The following TFB1M variants were observed in gnomAD, a reference collection of about 807,000 sequenced individuals.
TFB1M encodes dimethyladenosine transferase 1, mitochondrial.
Under a neutral mutation model 31.1 loss-of-function variants are expected in TFB1M, and 27 were observed. That is an observed-to-expected ratio of 0.87 (90% CI 0.64 to 1.20). TFB1M has a LOEUF of 1.20. Among genes scored for constraint, TFB1M ranks in the 50% most tolerant of loss-of-function variants. TFB1M has a pLI of 0.00. For synonymous variants in TFB1M, 166 were observed against 151.8 expected (o/e 1.09, Z -0.69); for missense variants, 394 against 418.7 (o/e 0.94, Z 0.51).
At chr6:155,307,605 CA>C (rs1777837616) in intron 2 of TFB1M, among the ~76,000 whole-genome samples, 1 of 152,102 alleles carries the variant, frequency 6.6e-6, no homozygotes, top group African/African-American at 2.4e-5. Context: ...TGGGTGAGGA[CA>C]CAGAGCCAAA....
chr6:155,235,911 A>G, the TFB1M span, among the ~76,000 whole-genome samples: 1 of 152,204 alleles, frequency 6.6e-6, no homozygotes, highest in African/African-American at 2.4e-5. Context: ...ATCCCAGTGA[A>G]GCAAAGCCAT....
At chr6:155,258,223 G>T in intron 6 of TFB1M, 141 bp from the exon 7 acceptor site, 1 of 1,047,750 alleles carries the variant, frequency 9.5e-7, no homozygotes, top group South Asian at 1.4e-5. Context: ...GAGCCTCTTG[G>T]ATTATATAGC....
intron 4 of TFB1M, among the ~76,000 whole-genome samples, chr6:155,293,531 T>G (rs1306477912): frequency 6.6e-6 from 1 of 152,208 alleles, no homozygotes; most frequent in Non-Finnish European, 1.5e-5. Context: ...AGATGATCCT[T>G]AGAACTGCGT....
chr6:155,294,357 A>G (rs141648039), intron 4 of TFB1M, among the ~76,000 whole-genome samples: 52 of 152,368 alleles, frequency 3.4e-4, no homozygotes, highest in Non-Finnish European at 5.9e-4. Context: ...TGCTCTTCAA[A>G]AGACACCATA....
chr6:155,300,205 T>G lies in TFB1M; in HGVS notation c.286-1620A>C, dbSNP rs568029812. Among the ~76,000 whole-genome samples the G allele has an allele frequency of 8.5e-5, 13 of 152,304 alleles. No individual in the cohort carries two copies. The East Asian group carries it at 2.1e-3, about 25-fold the overall frequency. ...ATTTATACAAATAATCTTCCAGAAA[T>G]AAATAGCTGAAACGCCTCTATTGGT... is the stretch of plus-strand genomic sequence containing the variant. On this transcript the variant is annotated intron_variant, in intron 2 of 6. Transcript: ENST00000367166.
downstream of TFB1M, chr6:155,253,804 A>G: frequency 1.8e-6 from 1 of 551,004 alleles, no homozygotes; most frequent in Non-Finnish European, 3.2e-6. Flanking sequence ...AAGGCATTTC[A>G]GTTCTTGTAA....
Position 155,281,964 on chromosome 6 carries a change from G to GGA in TFB1M, c.666+3193_666+3194insTC, listed in dbSNP as rs1163990839. 1.2e-4 allele frequency among the ~76,000 whole-genome samples: 18 copies of GGA among 152,196 alleles called. No individual in the cohort carries two copies. The East Asian group carries it at 3.5e-3, about 29-fold the overall frequency. On this transcript the variant is annotated intron_variant, in intron 5 of 6. Coordinates refer to ENST00000367166, the MANE Select transcript of TFB1M (RefSeq NM_016020.4). ...TCTCAGGGATCTACAGAGGCTAATA[G>GGA]AGAAAAGCTAGCTTGAGAAACTTAA... is the stretch of plus-strand genomic sequence containing the variant.
chr6:155,310,693 A>G (rs912976125), intron 2 of TFB1M, among the ~76,000 whole-genome samples: 6 of 152,164 alleles, frequency 3.9e-5, no homozygotes, highest in Non-Finnish European at 8.8e-5. Context: ...CTTCACTTAA[A>G]AAATTTACCT....
chr6:155,290,586 T>G (rs1048706943), intron 4 of TFB1M, among the ~76,000 whole-genome samples: 1 of 152,092 alleles, frequency 6.6e-6, no homozygotes, highest in Non-Finnish European at 1.5e-5. Context: ...CAACTTTTTT[T>G]GTTAAAGAAA....
At chr6:155,251,459 G>C (rs1440968028), downstream of TFB1M, among the ~76,000 whole-genome samples, 2 of 151,992 alleles carry the variant, frequency 1.3e-5, no homozygotes, top group Non-Finnish European at 2.9e-5. Flanking sequence ...GCTGATTTTT[G>C]TATTTTTAGT....
In TFB1M at chr6:155,298,366, A is replaced by T. The variant is rs1583368797; in HGVS notation, c.394+111T>A. 8.9e-6 allele frequency: 6 copies of T among 674,176 alleles called. No individual in the cohort carries two copies. In the East Asian group the frequency reaches 1.7e-4, roughly 19 times the overall value. 41.8% of individuals were successfully genotyped at this position (674,176 alleles called of 1,614,324 possible). A position where few individuals can be genotyped will look rare whatever the true frequency, so the allele number is the denominator to read the frequency against. On this transcript the variant is annotated intron_variant, in intron 3 of 6. Transcript: ENST00000367166. ...ACACATTATTTAATTCTGTTCAGAT[A>T]ATTTAAAATATAAACATATAAGACA...
intron 5 of TFB1M, among the ~76,000 whole-genome samples, chr6:155,269,675 A>T (rs9322507): frequency 0.54 from 82,781 of 151,984 alleles, 22,969 homozygotes; most frequent in East Asian, 0.8. Context: ...TTGAGAATTA[A>T]GTATTATAGC....
chr6:155,311,357 TTA>T lies in TFB1M; in HGVS notation c.134-20_134-19del, dbSNP rs1312059773. ...AATCTTATCTAGAGGAAAAAGAGTTTTAGTTATCTCAATTAACTTGGCAAATT... is the reference window on the plus strand; with the variant it reads ...AATCTTATCTAGAGGAAAAAGAGTTTGTTATCTCAATTAACTTGGCAAATT... On this transcript the variant is annotated intron_variant, in intron 1 of 6. Coordinates refer to ENST00000367166, the MANE Select transcript of TFB1M (RefSeq NM_016020.4). The T allele has an allele frequency of 6.2e-7, 1 of 1,611,404 alleles. No individual in the cohort carries two copies. The highest frequency in any genetic ancestry group is 1.7e-5 in the Admixed American group (1 of 59,984).
At chr6:155,267,177 G>GT (rs1784692000) in intron 5 of TFB1M, among the ~76,000 whole-genome samples, 3 of 152,084 alleles carry the variant, frequency 2.0e-5, no homozygotes, top group Admixed American at 2.0e-4. Flanking sequence ...GTTTCACCAT[G>GT]TTGGCCAGGC....
the TFB1M span, among the ~76,000 whole-genome samples, chr6:155,230,927 G>A: frequency 3.3e-5 from 5 of 150,866 alleles, no homozygotes; most frequent in African/African-American, 4.9e-5. Context: ...TCTGCCTCCC[G>A]GGTTCAAGCA....
In TFB1M at chr6:155,297,058, T is replaced by C; in HGVS notation, c.441A>G (p.Ser147=). ...HIIGNLPFSV[S]TPLIIKWLEN... is the part of the protein sequence containing the mutation. Reference sequence around the variant, plus strand: ...CAAGCCACTTGATAATCAGTGGAGTTGAAACACTAAAAGGCAGATTTCCAA... The same window carrying C: ...CAAGCCACTTGATAATCAGTGGAGTCGAAACACTAAAAGGCAGATTTCCAA... The change falls in exon 4 of 7, where the codon TCA becomes TCG. Residue 147 remains serine (S), a synonymous_variant. Coordinates refer to ENST00000367166, the MANE Select transcript of TFB1M (RefSeq NM_016020.4). 1 of 1,613,918 alleles carries C rather than the reference T, an allele frequency of 6.2e-7. No homozygotes were observed. Among genetic ancestry groups the C allele is most frequent in the South Asian group, 1.1e-5 (1 of 91,084 alleles).
At chr6:155,302,773 C>CGTTCTCATGCTGCTAAAA (rs1360352915) in intron 2 of TFB1M, among the ~76,000 whole-genome samples, 1 of 151,976 alleles carries the variant, frequency 6.6e-6, no homozygotes, top group Non-Finnish European at 1.5e-5. Context: ...TGTATTAGTC[C>CGTTCTCATGCTGCTAAAA]GTTCTCATGC....
intron 5 of TFB1M, among the ~76,000 whole-genome samples, chr6:155,268,189 AGTCT>A (rs1371607504): frequency 3.3e-5 from 5 of 152,272 alleles, no homozygotes; most frequent in Admixed American, 6.5e-5. Context: ...AGCCTCCCAG[AGTCT>A]GTCTGTCTCC....
chr6:155,284,336 G>A (rs919797775), intron 5 of TFB1M, among the ~76,000 whole-genome samples: 1 of 152,136 alleles, frequency 6.6e-6, no homozygotes, highest in Non-Finnish European at 1.5e-5. Flanking sequence ...GATACATGAT[G>A]CAAGGGACAC....
Sources: gnomAD v4.1 joint callset for allele counts (sites outside exome capture counted in the v4.1 genomes callset) on GRCh38, gnomAD v4.1.1 for gene constraint, MANE v1.5 for transcripts, NCBI Gene and HGNC (gene_info 2026-07-23, HGNC 2026-07-21) for gene names.